UTY: variants seen among roughly 807,000 people sequenced by gnomAD.
The protein encoded by UTY is histone demethylase UTY.
In UTY, 12 loss-of-function variants were observed where a neutral mutation model predicts 32.5. That is an observed-to-expected ratio of 0.37 (90% CI 0.24 to 0.60). UTY has a LOEUF of 0.60. Among genes scored for constraint, UTY ranks in the 20% least tolerant of loss-of-function variants. The pLI is 0.69. For synonymous variants in UTY, 131 were observed against 103.4 expected (o/e 1.27, Z -1.62); for missense variants, 303 against 299.2 (o/e 1.01, Z -0.09).
chrY:13,400,107 C>G (rs2068766120), intron 6 of UTY, among the ~76,000 whole-genome samples: 1 of 33,133 alleles, frequency 3.0e-5, no homozygotes, highest in Non-Finnish European at 7.5e-5. Context: ...TTTATCATGC[C>G]AAGGGGGAAG....
intron 4 of UTY, among the ~76,000 whole-genome samples, chrY:13,433,580 G>A: frequency 2.1e-4 from 7 of 33,621 alleles, no homozygotes. Context: ...GATACAGACG[G>A]CTCAACAATC....
chrY:13,331,894 C>CA (rs2060721266), intron 18 of UTY, among the ~76,000 whole-genome samples: 2 of 32,459 alleles, frequency 6.2e-5, no homozygotes, highest in South Asian at 6.8e-4. Context: ...AACAAAGCCT[C>CA]AAAAAAAACA....
intron 27 of UTY, among the ~76,000 whole-genome samples, chrY:13,291,781 C>T (rs2057772325): frequency 3.0e-5 from 1 of 33,461 alleles, no homozygotes; most frequent in Non-Finnish European, 7.4e-5. Context: ...AAGGATAGTC[C>T]AATATATGCA....
intron 6 of UTY, among the ~76,000 whole-genome samples, chrY:13,400,783 G>A (rs2068892245): frequency 3.2e-5 from 1 of 31,617 alleles, no homozygotes; most frequent in African/African-American, 1.2e-4. Flanking sequence ...AAACTGGACT[G>A]TATCAATGTC....
chrY:13,395,589 T>C (rs2068037427), intron 7 of UTY, among the ~76,000 whole-genome samples: 1 of 32,005 alleles, frequency 3.1e-5, no homozygotes, highest in African/African-American at 1.2e-4. Context: ...CAGTGAGCCA[T>C]GGTTGCACCA....
intron 3 of UTY, among the ~76,000 whole-genome samples, chrY:13,464,533 A>C (rs2077709346): frequency 3.3e-5 from 1 of 30,453 alleles, no homozygotes; most frequent in Non-Finnish European, 7.9e-5. Context: ...GCACTCTGAG[A>C]GGCCAAAGCA....
intron 27 of UTY, among the ~76,000 whole-genome samples, chrY:13,277,352 C>A: frequency 3.0e-5 from 1 of 33,390 alleles, no homozygotes. Flanking sequence ...CCATAAAGGA[C>A]ACTCCAGTTA....
chrY:13,262,475 T>C, intron 27 of UTY, among the ~76,000 whole-genome samples: 2 of 32,373 alleles, frequency 6.2e-5, no homozygotes, highest in East Asian at 8.0e-4. Context: ...CCCTGTGCCA[T>C]TGTCATGAAG....
chrY:13,258,453 AT>A (rs2054969888), intron 28 of UTY, among the ~76,000 whole-genome samples: 1 of 34,174 alleles, frequency 2.9e-5, no homozygotes, highest in Non-Finnish European at 7.3e-5. Context: ...GATATGGCTC[AT>A]TGTAGGAGCT....
chrY:13,461,146 AAAG>A (rs2077321264), intron 3 of UTY, among the ~76,000 whole-genome samples: 2 of 30,286 alleles, frequency 6.6e-5, no homozygotes, highest in African/African-American at 2.6e-4. Flanking sequence ...AAAGAACAAA[AAAG>A]AAGGAAGGAA....
Position 13,302,984 on chromosome Y carries a change from T to C in UTY, c.3573A>G (p.Gln1191=), listed in dbSNP as rs112235085. ...TAACAGAGCAGAAGTTGTTATTTTC[T>C]TGGTGACCTGAAAAGTAAAAGAAAA... is the stretch of plus-strand genomic sequence containing the variant. The part of the protein sequence containing the change: ...KVPGSRTPGH[Q]ENNNFCSVNI... Residue 1191 remains glutamine (Q), a synonymous_variant, in exon 25 of 30, where the codon CAA becomes CAG. Transcript: ENST00000545955. 2.8e-6 allele frequency: 1 copy of C among 352,691 alleles called. No individual in the cohort carries two copies. The highest frequency in any genetic ancestry group is 4.1e-6 in the Non-Finnish European group (1 of 245,640). The allele number at this position is 352,691 out of a possible 400,897, so 88.0% of individuals were successfully genotyped here. A position where few individuals can be genotyped will look rare whatever the true frequency, so the allele number is the denominator to read the frequency against.
rs202100460 is a variant in UTY, at chrY:13,260,185, A to C, written c.4137+93T>G. ...AGTCAATTTCAATCAAAAGCATTACATAAAAGTATAGGTAAATTTAAAATA... is the reference window on the plus strand; with the variant it reads ...AGTCAATTTCAATCAAAAGCATTACCTAAAAGTATAGGTAAATTTAAAATA... On this transcript the variant is annotated intron_variant, in intron 28 of 29. Transcript: ENST00000545955. 1.1e-4 allele frequency: 33 copies of C among 296,602 alleles called. No homozygotes were observed. In the East Asian group the frequency reaches 3.6e-3, roughly 33 times the overall value. 74.0% of individuals were successfully genotyped at this position (296,602 alleles called of 400,897 possible).
chrY:13,442,772 T>C (rs2149985402), intron 4 of UTY, among the ~76,000 whole-genome samples: 1 of 33,836 alleles, frequency 3.0e-5, no homozygotes, highest in South Asian at 6.6e-4. Context: ...TGCTTCTCTC[T>C]AGAGAAGACA....
chrY:13,314,832 TG>T (rs2059391847), intron 21 of UTY, among the ~76,000 whole-genome samples: 1 of 34,375 alleles, frequency 2.9e-5, no homozygotes, highest in African/African-American at 1.1e-4. Context: ...GTAAATAAAC[TG>T]GACTTCACAA....
intron 4 of UTY, among the ~76,000 whole-genome samples, chrY:13,437,480 A>C (rs989407826): frequency 1.8e-4 from 6 of 33,968 alleles, no homozygotes; most frequent in Non-Finnish European, 2.9e-4. Flanking sequence ...TTAGCACAGA[A>C]GGAAGGCACA....
chrY:13,385,731 T>C, intron 8 of UTY, among the ~76,000 whole-genome samples: 4 of 32,933 alleles, frequency 1.2e-4, no homozygotes, highest in Admixed American at 5.6e-4. Context: ...CAAAACTTTT[T>C]GTAAAGACAG....
At chrY:13,338,857 C>G (rs915048424) in intron 17 of UTY, among the ~76,000 whole-genome samples, 2 of 33,477 alleles carry the variant, frequency 6.0e-5, no homozygotes, top group African/African-American at 2.4e-4. Context: ...TCTATACTCC[C>G]CAACTCCACA....
At chrY:13,246,791 C>T, downstream of UTY, among the ~76,000 whole-genome samples, 2 of 25,643 alleles carry the variant, frequency 7.8e-5, no homozygotes, top group South Asian at 1.9e-3. Flanking sequence ...GCAGGAGAAT[C>T]GCTTGAACCC....
At chrY:13,237,785 G>A in intron 28 of UTY, among the ~76,000 whole-genome samples, 1 of 33,008 alleles carries the variant, frequency 3.0e-5, no homozygotes, top group Admixed American at 2.7e-4. Flanking sequence ...CTGGAATTTA[G>A]GTATAACCAA....
Sources: allele counts gnomAD v4.1 joint callset (sites outside exome capture counted in the v4.1 genomes callset), GRCh38; gene constraint gnomAD v4.1.1; transcripts MANE v1.5; gene names NCBI Gene and HGNC (gene_info 2026-07-23, HGNC 2026-07-21).